Variants in ARFGAP3 observed in about 807,000 individuals in gnomAD.
The protein encoded by ARFGAP3 is ARF GTPase activating protein 3.
Under a neutral mutation model 75.0 loss-of-function variants are expected in ARFGAP3, and 72 were observed. That is an observed-to-expected ratio of 0.96 (90% CI 0.79 to 1.17). The LOEUF is 1.17. ARFGAP3 is among the 50% of genes most tolerant of loss of function. The pLI, the probability that ARFGAP3 is intolerant of heterozygous loss-of-function variation, is 0.00. For synonymous variants in ARFGAP3, 221 were observed against 217.9 expected, an observed-to-expected ratio of 1.01 and a Z score of -0.13; for missense variants, 620 against 626.6, an observed-to-expected ratio of 0.99 and a Z score of 0.11.
At chr22:42,849,381 G>A (rs560195169) in intron 1 of ARFGAP3, among the ~76,000 whole-genome samples, 1 of 152,210 alleles carries the variant, frequency 6.6e-6, no homozygotes, top group Admixed American at 6.5e-5. Context: ...CTTAGATGCA[G>A]GTTCATAACC....
At chr22:42,826,840 C>G in intron 7 of ARFGAP3, 100 bp downstream of exon 7, 1 of 854,258 alleles carries the variant, frequency 1.2e-6, no homozygotes, top group Non-Finnish European at 1.8e-6. Context: ...GATTATATTA[C>G]TCCGTCAGGT....
intron 1 of ARFGAP3, among the ~76,000 whole-genome samples, chr22:42,849,941 G>A (rs936065324): frequency 2.6e-5 from 4 of 152,084 alleles, no homozygotes; most frequent in Non-Finnish European, 5.9e-5. Context: ...GAATAGTTGT[G>A]TACTTTTAAA....
At chr22:42,855,552 G>T (rs1193217849) in intron 1 of ARFGAP3, among the ~76,000 whole-genome samples, 1 of 152,032 alleles carries the variant, frequency 6.6e-6, no homozygotes, top group Non-Finnish European at 1.5e-5. Flanking sequence ...TGAGTGTAGT[G>T]GTGGATGCCT....
chr22:42,849,362 T>G (rs1044146685), intron 1 of ARFGAP3, among the ~76,000 whole-genome samples: 2 of 152,238 alleles, frequency 1.3e-5, no homozygotes, highest in Non-Finnish European at 2.9e-5. Flanking sequence ...CCAGGTCACT[T>G]TGATAACTCT....
At chr22:42,831,687 T>G (rs746411702) in intron 5 of ARFGAP3, 51 bp from the exon 6 acceptor site, 13 of 1,609,116 alleles carry the variant, frequency 8.1e-6, no homozygotes, top group Admixed American at 3.4e-5. Context: ...AAAACAGCCA[T>G]AAAAAACACA....
intron 14 of ARFGAP3, among the ~76,000 whole-genome samples, chr22:42,804,627 G>A (rs111789907): frequency 6.6e-6 from 1 of 151,828 alleles, no homozygotes; most frequent in East Asian, 1.9e-4. Flanking sequence ...TGATCCACCC[G>A]CCTCGGCCTC....
intron 2 of ARFGAP3, 24 bp from the exon 3 acceptor site, chr22:42,841,040 CTG>C (rs751313508): frequency 1.2e-6 from 2 of 1,606,946 alleles, no homozygotes; most frequent in African/African-American, 2.7e-5. Context: ...ATATTACTAA[CTG>C]TTAATATTTT....
At chr22:42,842,011 C>CTTTTTTTTTTTTTTTTTTTT (rs55825441) in intron 2 of ARFGAP3, among the ~76,000 whole-genome samples, 1 of 91,274 alleles carries the variant, frequency 1.1e-5, no homozygotes, top group Non-Finnish European at 2.0e-5. Flanking sequence ...CCATGCCGGG[C>CTTTTTTTTTTTTTTTTTTTT]TTTTTTTTTT....
chr22:42,813,191 T>C (rs1217965248), intron 11 of ARFGAP3, among the ~76,000 whole-genome samples: 2 of 152,214 alleles, frequency 1.3e-5, no homozygotes, highest in East Asian at 1.9e-4. Flanking sequence ...AGAAGACACA[T>C]TCAGCTCCTG....
intron 9 of ARFGAP3, 22 bp from the exon 10 acceptor site, chr22:42,817,879 C>A: frequency 1.9e-6 from 3 of 1,557,500 alleles, no homozygotes; most frequent in South Asian, 2.4e-5. Context: ...ACCAAATACT[C>A]CTTAATTTAG....
At chr22:42,812,413 G>T (rs1268357934) in intron 11 of ARFGAP3, among the ~76,000 whole-genome samples, 1 of 152,048 alleles carries the variant, frequency 6.6e-6, no homozygotes, top group Non-Finnish European at 1.5e-5. Flanking sequence ...GGCCTTAACA[G>T]ACATCATCCA....
chr22:42,840,193 A>G (rs1417956060), intron 3 of ARFGAP3, among the ~76,000 whole-genome samples: 1 of 152,054 alleles, frequency 6.6e-6, no homozygotes, highest in African/African-American at 2.4e-5. Flanking sequence ...CAGCCTCCCA[A>G]AGTTCTAGGA....
rs138996022 is a variant in ARFGAP3 at position 42,815,486 on chromosome 22, T to C, written c.1064+1656A>G. Among the ~76,000 whole-genome samples, 565 of 152,032 alleles carry C rather than the reference T, an allele frequency of 3.7e-3. 2 individuals are homozygous for C. Among genetic ancestry groups the C allele is most frequent in the African/African-American group, 0.013 (546 of 41,460 alleles). On this transcript the variant is annotated intron_variant, in intron 11 of 15. Transcript: ENST00000263245. ...CTATACTTAGAGACATTTTTAAGGA[T>C]AGTATTCTTTATACAATTCCTTGTC... is the stretch of plus-strand genomic sequence containing the variant.
intron 14 of ARFGAP3, 87 bp downstream of exon 14, chr22:42,806,986 T>G: frequency 7.7e-7 from 1 of 1,301,066 alleles, no homozygotes; most frequent in East Asian, 2.6e-5. Flanking sequence ...TGCTAAAATA[T>G]CTTGGAAAAG....
At position 42,831,580 on chromosome 22, in the gene ARFGAP3, C is replaced by G. The variant is rs749849231; in HGVS notation, c.534G>C (p.Arg178Ser). Residue 178 changes from arginine (R) to serine (S), a missense_variant, in exon 6 of 16, where the codon AGG (arginine) becomes AGC (serine). By Grantham distance (110) the Arg-to-Ser change is moderately radical. Coordinates refer to ENST00000263245, the MANE Select transcript of ARFGAP3 (RefSeq NM_014570.5). ...AIAEPSSLTS[R>S]PVETTLENNE... ...TATTTTCCAAAGTGGTTTCCACAGG[C>G]CTTGATGTTAAAGAAGATGGTTCTG... 15 of 1,613,718 alleles carry G rather than the reference C, an allele frequency of 9.3e-6. No homozygotes were observed. The highest frequency in any genetic ancestry group is 2.5e-6 in the Non-Finnish European group (3 of 1,179,952).
chr22:42,834,970 T>C (rs1926454629), intron 4 of ARFGAP3, among the ~76,000 whole-genome samples: 1 of 152,184 alleles, frequency 6.6e-6, no homozygotes, highest in African/African-American at 2.4e-5. Flanking sequence ...ATGGAGAAAA[T>C]TCAGGCATTA....
rs867575072 is a variant in ARFGAP3, at chr22:42,850,590, A to C, written c.70-2958T>G. Among the ~76,000 whole-genome samples, 699 of 151,422 alleles carry C rather than the reference A, an allele frequency of 4.6e-3. 4 individuals carry two copies. Among genetic ancestry groups the C allele is most frequent in the African/African-American group, 0.017 (682 of 41,332 alleles). On this transcript the variant is annotated intron_variant, in intron 1 of 15. Coordinates refer to ENST00000263245, the MANE Select transcript of ARFGAP3 (RefSeq NM_014570.5). ...TGCTATCAAAAAAAAAAAAAAAAAA[A>C]AAAAAAAGATATACTTTATAGGCAG... is the stretch of plus-strand genomic sequence containing the variant.
intron 6 of ARFGAP3, 130 bp from the exon 7 acceptor site, chr22:42,827,129 C>A: frequency 1.5e-6 from 2 of 1,356,096 alleles, no homozygotes; most frequent in Admixed American, 3.3e-5. Context: ...ACCTTTTTAG[C>A]TGTATATTCT....
intron 1 of ARFGAP3, 50 bp downstream of exon 1, chr22:42,857,064 C>T (rs748218223): frequency 1.2e-5 from 18 of 1,469,036 alleles, no homozygotes; most frequent in Middle Eastern, 2.1e-4. Context: ...GGCCTCCCGC[C>T]GGTTCCCGCA....
Sources: gnomAD v4.1 joint callset for allele counts (sites outside exome capture counted in the v4.1 genomes callset) on GRCh38, gnomAD v4.1.1 for gene constraint, MANE v1.5 for transcripts, NCBI Gene and HGNC (gene_info 2026-07-23, HGNC 2026-07-21) for gene names.